The following SKAP1 variants were observed in gnomAD, a reference collection of about 807,000 sequenced individuals.
SKAP1 encodes the protein src kinase-associated phosphoprotein 1.
SKAP1 carries 44 observed loss-of-function variants against 58.5 expected under a neutral mutation model. The ratio of observed to expected loss-of-function variants is 0.75; its 90% CI spans 0.59 to 0.97. The LOEUF is 0.97. SKAP1 is among the 50% of genes least tolerant of loss of function. SKAP1 has a pLI of 0.00. For missense variants in SKAP1, 390 were observed against 435.2 expected, an observed-to-expected ratio of 0.90 and a Z score of 0.92; for synonymous variants, 127 against 149.7, an observed-to-expected ratio of 0.85 and a Z score of 1.11.
rs897281956 is a variant in SKAP1 at position 48,166,417 on chromosome 17, A to G, written c.878-3848T>C. Among the ~76,000 whole-genome samples the G allele has an allele frequency of 4.7e-4, 71 of 152,334 alleles. 1 individual carries two copies. The highest frequency in any genetic ancestry group is 1.6e-3 in the African/African-American group (68 of 41,578). ...GTTGGTGCTACTGATGATAGAGTCA[A>G]TGGCTGAAAATTAGCCTGTGTGACG... On this transcript the variant is annotated intron_variant, in intron 10 of 12. Transcript: ENST00000336915.
chr17:48,335,830 A>C (rs774259648), intron 4 of SKAP1, among the ~76,000 whole-genome samples: 5 of 152,150 alleles, frequency 3.3e-5, no homozygotes, highest in Non-Finnish European at 5.9e-5. Context: ...CTTGTGTAAT[A>C]ATAAGAACAT....
chr17:48,267,094 T>C (rs2065561689), intron 4 of SKAP1, among the ~76,000 whole-genome samples: 1 of 152,200 alleles, frequency 6.6e-6, no homozygotes, highest in Admixed American at 6.5e-5. Context: ...TCCTCAAATT[T>C]GTTTTCCACA....
chr17:48,362,716 A>G (rs898666913), intron 3 of SKAP1, among the ~76,000 whole-genome samples: 1 of 152,244 alleles, frequency 6.6e-6, no homozygotes, highest in African/African-American at 2.4e-5. Flanking sequence ...CTTTAAAATA[A>G]AGCTTTATAA....
chr17:48,342,596 T>C (rs984777125), intron 4 of SKAP1, among the ~76,000 whole-genome samples: 5 of 152,232 alleles, frequency 3.3e-5, no homozygotes, highest in African/African-American at 1.2e-4. Flanking sequence ...CCCGACTGTG[T>C]ATCCTTTTAT....
rs764249578 is a variant in SKAP1 at position 48,346,005 on chromosome 17, C to T, written c.180G>A (p.Gly60=). 2 of 1,583,504 alleles carry T rather than the reference C, an allele frequency of 1.3e-6. No homozygotes were observed. The highest frequency in any genetic ancestry group is 1.7e-6 in the Non-Finnish European group (2 of 1,163,334). ...ARYYWDFQPQ[G]GDIGQDSSDD... ...CAGAGCTGTCCTGTCCAATGTCTCC[C>T]CCTGAGGGACAAAAAAGACAGAAAA... is the stretch of plus-strand genomic sequence containing the variant. Residue 60 remains glycine, a splice_region_variant and synonymous_variant, in exon 4 of 13, where the codon GGG becomes GGA. Transcript: ENST00000336915.
At chr17:48,257,628 CTTTTTT>C (rs56225931) in intron 4 of SKAP1, among the ~76,000 whole-genome samples, 5 of 111,150 alleles carry the variant, frequency 4.5e-5, no homozygotes, top group African/African-American at 1.6e-4. Flanking sequence ...TTCTTTCTTT[CTTTTTT>C]TTTTTTTTTT....
At chr17:48,433,349 G>A (rs1469075381), upstream of SKAP1, among the ~76,000 whole-genome samples, 1 of 152,140 alleles carries the variant, frequency 6.6e-6, no homozygotes, top group Non-Finnish European at 1.5e-5. Flanking sequence ...ATCTGGAGAG[G>A]TTGGCAGTAG....
the SKAP1 span, among the ~76,000 whole-genome samples, chr17:48,438,857 C>T: frequency 2.6e-5 from 4 of 152,028 alleles, no homozygotes; most frequent in East Asian, 1.9e-4. Context: ...TTGTGGCAGA[C>T]GGACACGACT....
chr17:48,220,012 A>G (rs28489029), intron 4 of SKAP1, among the ~76,000 whole-genome samples: 1 of 152,250 alleles, frequency 6.6e-6, no homozygotes, highest in African/African-American at 2.4e-5. Context: ...ACAGCCACCC[A>G]CCAGAATTGC....
chr17:48,209,300 G>A (rs766912082), intron 4 of SKAP1, among the ~76,000 whole-genome samples: 6 of 152,140 alleles, frequency 3.9e-5, no homozygotes, highest in Non-Finnish European at 8.8e-5. Context: ...TTAGAGCACT[G>A]TCAAACCTCC....
intron 4 of SKAP1, among the ~76,000 whole-genome samples, chr17:48,233,700 C>T (rs1159842650): frequency 1.3e-5 from 2 of 151,768 alleles, no homozygotes; most frequent in African/African-American, 4.8e-5. Flanking sequence ...TAAAAACATA[C>T]AAAAAATTAG....
At chr17:48,316,770 A>G (rs964571771) in intron 4 of SKAP1, among the ~76,000 whole-genome samples, 88 of 152,362 alleles carry the variant, frequency 5.8e-4, no homozygotes, top group African/African-American at 1.9e-3. Context: ...GAATGTTCAC[A>G]TGACAGAGAC....
intron 6 of SKAP1, 144 bp downstream of exon 6, chr17:48,187,699 T>C (rs2143510275): frequency 1.7e-6 from 1 of 574,952 alleles, no homozygotes. Flanking sequence ...CAAGGTATTA[T>C]TTGTCCATGC....
At chr17:48,377,882 AG>A (rs1282985493) in intron 2 of SKAP1, among the ~76,000 whole-genome samples, 12 of 152,220 alleles carry the variant, frequency 7.9e-5, no homozygotes, top group African/African-American at 2.9e-4. Flanking sequence ...ATTCAAAAGC[AG>A]GAGATATCAT....
intron 1 of SKAP1, among the ~76,000 whole-genome samples, chr17:48,408,834 T>C (rs2067624027): frequency 6.6e-6 from 1 of 152,218 alleles, no homozygotes; most frequent in African/African-American, 2.4e-5. Flanking sequence ...CCCTTCAATT[T>C]AGAAAATGGT....
At chr17:48,257,297 G>A (rs1350895385) in intron 4 of SKAP1, among the ~76,000 whole-genome samples, 4 of 151,816 alleles carry the variant, frequency 2.6e-5, no homozygotes, top group African/African-American at 9.7e-5. Context: ...ACATATTCTG[G>A]GGTTAAAAAA....
At chr17:48,314,709 T>C (rs1448227034) in intron 4 of SKAP1, among the ~76,000 whole-genome samples, 2 of 152,072 alleles carry the variant, frequency 1.3e-5, no homozygotes, top group Non-Finnish European at 2.9e-5. Context: ...AAAAGGCAGG[T>C]AAAATCTGCT....
At chr17:48,255,435 T>C (rs953701000) in intron 4 of SKAP1, among the ~76,000 whole-genome samples, 2 of 150,118 alleles carry the variant, frequency 1.3e-5, no homozygotes, top group Middle Eastern at 3.5e-3. Context: ...TATGTATATA[T>C]ATATATTTAC....
intron 4 of SKAP1, among the ~76,000 whole-genome samples, chr17:48,269,720 A>G (rs1236838867): frequency 2.0e-5 from 3 of 152,248 alleles, no homozygotes; most frequent in Admixed American, 2.0e-4. Flanking sequence ...GATAAGCTGC[A>G]CTAAGTTAAA....
Sources: allele counts gnomAD v4.1 joint callset (sites outside exome capture counted in the v4.1 genomes callset), GRCh38; gene constraint gnomAD v4.1.1; transcripts MANE v1.5; gene names NCBI Gene and HGNC (gene_info 2026-07-23, HGNC 2026-07-21).